Variants in RAB31 observed in about 807,000 individuals in gnomAD.
RAB31 encodes ras-related protein Rab-31.
RAB31 carries 21 observed loss-of-function variants against 25.6 expected under a neutral mutation model. That is an observed-to-expected ratio of 0.82 (90% CI 0.58 to 1.18). The LOEUF (loss-of-function observed/expected upper bound fraction) is 1.18, where lower values mean the gene tolerates loss of function less well. RAB31 is among the 50% of genes most tolerant of loss of function. RAB31 has a pLI of 0.00. For synonymous variants in RAB31, 87 were observed against 84.0 expected, an observed-to-expected ratio of 1.04 and a Z score of -0.20; for missense variants, 196 against 250.1, an observed-to-expected ratio of 0.78 and a Z score of 1.46.
intron 6 of RAB31, among the ~76,000 whole-genome samples, chr18:9,846,385 G>C (rs1293538915): frequency 2.0e-5 from 3 of 152,202 alleles, no homozygotes; most frequent in Non-Finnish European, 4.4e-5. Context: ...TAAGTTCTCT[G>C]GTTGTGTCAT....
rs367997024 is a variant in RAB31 at position 9,764,245 on chromosome 18, G to A, written c.40-11033G>A. 2.2e-4 allele frequency among the ~76,000 whole-genome samples: 33 copies of A among 152,274 alleles called. No individual in the cohort carries two copies. In the South Asian group the frequency reaches 6.6e-3, roughly 31 times the overall value. ...CTAACCTCCTGCCTTTGATTCCTTTGTAAAGTTTAAGTCTCATTTGTAAGT... is the reference window on the plus strand; with the variant it reads ...CTAACCTCCTGCCTTTGATTCCTTTATAAAGTTTAAGTCTCATTTGTAAGT... On this transcript the variant is annotated intron_variant, in intron 1 of 6. Transcript: ENST00000578921.
intron 1 of RAB31, among the ~76,000 whole-genome samples, chr18:9,744,163 G>T (rs921836): frequency 6.6e-6 from 1 of 152,208 alleles, no homozygotes; most frequent in Non-Finnish European, 1.5e-5. Context: ...ACATTACTGA[G>T]TATTTCCAGT....
At chr18:9,778,698 T>C (rs1355579983) in intron 2 of RAB31, among the ~76,000 whole-genome samples, 1 of 152,156 alleles carries the variant, frequency 6.6e-6, no homozygotes, top group Non-Finnish European at 1.5e-5. Context: ...CTTGAACTCC[T>C]GACCTCAGGT....
At chr18:9,803,848 C>G (rs1184920158) in intron 3 of RAB31, among the ~76,000 whole-genome samples, 3 of 152,204 alleles carry the variant, frequency 2.0e-5, no homozygotes. Context: ...AGACGTGGCC[C>G]CCAGAACTGT....
At chr18:9,836,468 C>G (rs1183710348) in intron 5 of RAB31, among the ~76,000 whole-genome samples, 1 of 152,178 alleles carries the variant, frequency 6.6e-6, no homozygotes, top group Admixed American at 6.5e-5. Flanking sequence ...CATCTTGATA[C>G]AGATTTCCAA....
intron 3 of RAB31, among the ~76,000 whole-genome samples, chr18:9,793,441 T>C (rs746758514): frequency 7.0e-4 from 107 of 152,106 alleles, no homozygotes; most frequent in Middle Eastern, 3.4e-3. Flanking sequence ...GGCGGGCGGA[T>C]CATGAGGTCA....
chr18:9,827,922 T>A (rs2068658097), intron 5 of RAB31, among the ~76,000 whole-genome samples: 1 of 152,128 alleles, frequency 6.6e-6, no homozygotes, highest in Non-Finnish European at 1.5e-5. Context: ...AGACTGTATT[T>A]AATGAAGTTC....
At chr18:9,752,740 T>A (rs964535858) in intron 1 of RAB31, among the ~76,000 whole-genome samples, 13 of 152,254 alleles carry the variant, frequency 8.5e-5, no homozygotes, top group Non-Finnish European at 1.9e-4. Context: ...ACGCAATTTA[T>A]AAATGAATAC....
chr18:9,847,309 G>C (rs1194410594), intron 6 of RAB31, among the ~76,000 whole-genome samples: 1 of 152,174 alleles, frequency 6.6e-6, no homozygotes, highest in Non-Finnish European at 1.5e-5. Flanking sequence ...GAGGACGATT[G>C]CCTTAGCACC....
intron 2 of RAB31, among the ~76,000 whole-genome samples, chr18:9,788,817 A>T (rs2068446009): frequency 6.6e-6 from 1 of 152,216 alleles, no homozygotes; most frequent in Non-Finnish European, 1.5e-5. Flanking sequence ...GTAAATTACA[A>T]AAATTAGCTG....
intron 1 of RAB31, among the ~76,000 whole-genome samples, chr18:9,768,912 T>C (rs2068330188): frequency 6.6e-6 from 1 of 152,220 alleles, no homozygotes; most frequent in Non-Finnish European, 1.5e-5. Flanking sequence ...TTTCTGGATA[T>C]GGCTAGCCAG....
chr18:9,785,810 C>T (rs1230789510), intron 2 of RAB31, among the ~76,000 whole-genome samples: 1 of 152,106 alleles, frequency 6.6e-6, no homozygotes, highest in African/African-American at 2.4e-5. Context: ...CCTGTAATCC[C>T]ATCACTTTGG....
At chr18:9,814,735 G>C (rs1767626805) in intron 4 of RAB31, 1 of 171,308 alleles carries the variant, frequency 5.8e-6, no homozygotes, top group Non-Finnish European at 1.2e-5. Context: ...ACAATTGTGA[G>C]TGAAGGGCCA....
At chr18:9,789,834 T>C (rs1396618224) in intron 2 of RAB31, among the ~76,000 whole-genome samples, 1 of 152,208 alleles carries the variant, frequency 6.6e-6, no homozygotes, top group African/African-American at 2.4e-5. Context: ...CTACTGGATT[T>C]GTCACTTAGA....
At chr18:9,721,721 G>A (rs909210578) in intron 1 of RAB31, among the ~76,000 whole-genome samples, 1 of 152,104 alleles carries the variant, frequency 6.6e-6, no homozygotes, top group African/African-American at 2.4e-5. Context: ...GCAGTTTCTA[G>A]GGGTTGGGGG....
intron 1 of RAB31, among the ~76,000 whole-genome samples, chr18:9,710,833 G>A (rs11872189): frequency 0.22 from 33,919 of 151,914 alleles, 4,795 homozygotes; most frequent in African/African-American, 0.4. Context: ...ACTCCAGTCC[G>A]GGCGACAGAG....
In RAB31 at chr18:9,807,827, AC is replaced by A. The variant is rs993686645; in HGVS notation, c.202-6192del. Reference sequence around the variant, plus strand: ...TGTCTCTATAAAAACTTAAAAAAAAACTTAACCGGATATGGTGGCACACACC... The same window carrying A: ...TGTCTCTATAAAAACTTAAAAAAAAATTAACCGGATATGGTGGCACACACC... On this transcript the variant is annotated intron_variant, in intron 3 of 6. Coordinates refer to ENST00000578921, the MANE Select transcript of RAB31 (RefSeq NM_006868.4). 4.7e-4 allele frequency among the ~76,000 whole-genome samples: 72 copies of A among 151,680 alleles called. 1 individual carries two copies. The highest frequency in any genetic ancestry group is 1.7e-3 in the African/African-American group (70 of 41,358).
chr18:9,743,518 G>A (rs2068190356), intron 1 of RAB31, among the ~76,000 whole-genome samples: 1 of 152,188 alleles, frequency 6.6e-6, no homozygotes, highest in African/African-American at 2.4e-5. Context: ...TAGCACCTGA[G>A]CTGCCACCCT....
intron 1 of RAB31, among the ~76,000 whole-genome samples, chr18:9,722,152 G>T (rs1232361860): frequency 6.6e-6 from 1 of 152,182 alleles, no homozygotes. Flanking sequence ...GGTCTTGCGG[G>T]CTGGTGTAGG....
Sources: gnomAD v4.1 joint callset for allele counts (sites outside exome capture counted in the v4.1 genomes callset) on GRCh38, gnomAD v4.1.1 for gene constraint, MANE v1.5 for transcripts, NCBI Gene and HGNC (gene_info 2026-07-23, HGNC 2026-07-21) for gene names.